The following TMTC1 variants were observed in gnomAD, a reference collection of about 807,000 sequenced individuals.
The protein encoded by TMTC1 is transmembrane O-mannosyltransferase targeting cadherins 1, also known as protein O-mannosyl-transferase TMTC1.
In TMTC1, 73 loss-of-function variants were observed where a neutral mutation model predicts 104.8. That is an observed-to-expected ratio of 0.70 (90% CI 0.58 to 0.85). TMTC1 has a LOEUF of 0.85. Among genes scored for constraint, TMTC1 ranks in the 40% least tolerant of loss-of-function variants. The pLI is 0.00. For synonymous variants in TMTC1, 434 were observed against 428.7 expected, an observed-to-expected ratio of 1.01 and a Z score of -0.15; for missense variants, 1,035 against 1,096.1, an observed-to-expected ratio of 0.94 and a Z score of 0.79.
rs552226316 is a variant in TMTC1, at chr12:29,767,836, G to A, written c.480+62C>T. On this transcript the variant is annotated intron_variant, in intron 2 of 17. Coordinates refer to ENST00000539277, the MANE Select transcript of TMTC1 (RefSeq NM_001193451.2). ...TGTATATATATGTGTGTGTATACAC[G>A]TATACACGTATACATACACACATTC... is the stretch of plus-strand genomic sequence containing the variant. The A allele has an allele frequency of 7.8e-5, 114 of 1,459,464 alleles. 1 individual carries two copies. In the South Asian group the frequency reaches 9.9e-4, roughly 13 times the overall value. The allele number at this position is 1,459,464 out of a possible 1,614,324, so 90.4% of individuals were successfully genotyped here. A position where few individuals can be genotyped will look rare whatever the true frequency, so the allele number is the denominator to read the frequency against.
intron 5 of TMTC1, among the ~76,000 whole-genome samples, chr12:29,643,499 T>TAA (rs1938979184): frequency 4.3e-5 from 3 of 69,026 alleles, no homozygotes; most frequent in Non-Finnish European, 8.1e-5. Flanking sequence ...ATATTATATA[T>TAA]TATATATTTT....
intron 15 of TMTC1, among the ~76,000 whole-genome samples, chr12:29,515,024 T>C (rs299436): frequency 0.29 from 44,439 of 151,910 alleles, 6,990 homozygotes; most frequent in African/African-American, 0.39. Context: ...CAAATATATA[T>C]ACATTCTTCA....
intron 3 of TMTC1, among the ~76,000 whole-genome samples, chr12:29,756,087 TAACA>T (rs1029278841): frequency 7.9e-5 from 12 of 152,328 alleles, no homozygotes; most frequent in Admixed American, 3.3e-4. Flanking sequence ...CTACGGTATG[TAACA>T]AACAAATGAA....
intron 5 of TMTC1, among the ~76,000 whole-genome samples, chr12:29,750,577 A>C (rs1429253819): frequency 6.6e-6 from 1 of 152,254 alleles, no homozygotes; most frequent in Non-Finnish European, 1.5e-5. Flanking sequence ...CAAGATAAAA[A>C]AACAAACATA....
intron 8 of TMTC1, among the ~76,000 whole-genome samples, chr12:29,572,826 C>G (rs971576358): frequency 6.6e-6 from 1 of 152,094 alleles, no homozygotes; most frequent in Non-Finnish European, 1.5e-5. Context: ...TTCATGGAGA[C>G]TTGATGAAAT....
intron 17 of TMTC1, among the ~76,000 whole-genome samples, chr12:29,510,365 G>T (rs931511441): frequency 6.6e-6 from 1 of 152,142 alleles, no homozygotes; most frequent in Admixed American, 6.5e-5. Flanking sequence ...GGACCAAAAT[G>T]ATGTCATGTG....
intron 5 of TMTC1, among the ~76,000 whole-genome samples, chr12:29,695,357 A>T (rs1941385429): frequency 6.6e-6 from 1 of 151,924 alleles, no homozygotes; most frequent in Non-Finnish European, 1.5e-5. Flanking sequence ...GACAGGCTGG[A>T]GTGTGGTGGT....
At chr12:29,660,960 G>A (rs564449852) in intron 5 of TMTC1, 73 of 803,924 alleles carry the variant, frequency 9.1e-5, no homozygotes, top group East Asian at 4.7e-4. Flanking sequence ...AGGTGAAGAC[G>A]CTGCAGCTCT....
intron 5 of TMTC1, among the ~76,000 whole-genome samples, chr12:29,670,934 C>CAAAAAAAAAAAAAAAAAAAAAA (rs374719241): frequency 1.5e-5 from 1 of 68,552 alleles, no homozygotes; most frequent in African/African-American, 6.1e-5. Flanking sequence ...GACTCTGTCT[C>CAAAAAAAAAAAAAAAAAAAAAA]AAAAAAAAAG....
At position 29,762,478 on chromosome 12, in the gene TMTC1, C is replaced by T. The variant is rs367962228; in HGVS notation, c.481-3701G>A. Among the ~76,000 whole-genome samples the T allele has an allele frequency of 1.2e-4, 19 of 152,282 alleles. No individual in the cohort carries two copies. In the East Asian group the frequency reaches 2.1e-3, roughly 17 times the overall value. On this transcript the variant is annotated intron_variant, in intron 2 of 17. Transcript: ENST00000539277. ...TCATCTTTTTACTTTAAGGTTTACA[C>T]GTACGGTATCTTAATTGTGAACTTT...
chr12:29,747,433 A>G (rs957880397), intron 5 of TMTC1, among the ~76,000 whole-genome samples: 1 of 152,210 alleles, frequency 6.6e-6, no homozygotes, highest in Non-Finnish European at 1.5e-5. Flanking sequence ...AAATAGGCAA[A>G]CTAAATAAAT....
chr12:29,565,683 C>T (rs1945492532), intron 9 of TMTC1, among the ~76,000 whole-genome samples: 1 of 152,120 alleles, frequency 6.6e-6, no homozygotes, highest in African/African-American at 2.4e-5. Flanking sequence ...CCCGCCTCTA[C>T]TAAAAATTCC....
intron 1 of TMTC1, among the ~76,000 whole-genome samples, chr12:29,776,920 A>T (rs781260204): frequency 6.6e-6 from 1 of 152,218 alleles, no homozygotes; most frequent in Non-Finnish European, 1.5e-5. Flanking sequence ...TGTGCAAAGA[A>T]CAAGGGCTCT....
Position 29,516,477 on chromosome 12 carries a change from A to G in TMTC1, c.2179T>C (p.Leu727=). The change falls in exon 15 of 18, where the codon TTG becomes CTG. Residue 727 remains leucine (L), a synonymous_variant. Coordinates refer to ENST00000539277, the MANE Select transcript of TMTC1 (RefSeq NM_001193451.2). ...RELRLALAQV[L]AVMGQTKEAE... ...TCTTTTGTCTGACCCATCACGGCCAAAACCTGAGCCTACAAAACCACATGG... is the reference window on the plus strand; with the variant it reads ...TCTTTTGTCTGACCCATCACGGCCAGAACCTGAGCCTACAAAACCACATGG... 1 of 1,613,590 alleles carries G rather than the reference A, an allele frequency of 6.2e-7. No individual in the cohort carries two copies. Among genetic ancestry groups the G allele is most frequent in the Non-Finnish European group, 8.5e-7 (1 of 1,179,704 alleles).
intron 10 of TMTC1, among the ~76,000 whole-genome samples, chr12:29,539,353 C>A (rs1013357546): frequency 6.6e-6 from 1 of 151,324 alleles, no homozygotes; most frequent in African/African-American, 2.4e-5. Flanking sequence ...CAGTCTTACT[C>A]AGCACTTACT....
intron 10 of TMTC1, among the ~76,000 whole-genome samples, chr12:29,554,233 A>G (rs1945179049): frequency 1.3e-5 from 2 of 152,226 alleles, no homozygotes; most frequent in African/African-American, 4.8e-5. Flanking sequence ...GCTATCTACA[A>G]TAAGTAGATC....
chr12:29,644,149 GTATATATA>G lies in TMTC1; in HGVS notation c.939-10821_939-10814del, dbSNP rs149004557. ...TGTGTGTGTGTGTGTGTGTGTGTGT[GTATATATA>G]TATATAATGAAATACTAAACAGCCA... is the stretch of plus-strand genomic sequence containing the variant. On this transcript the variant is annotated intron_variant, in intron 5 of 17. Coordinates refer to ENST00000539277, the MANE Select transcript of TMTC1 (RefSeq NM_001193451.2). 2.0e-3 allele frequency among the ~76,000 whole-genome samples: 101 copies of G among 49,374 alleles called. 24 individuals are homozygous for G. Among genetic ancestry groups the G allele is most frequent in the Middle Eastern group, 9.6e-3 (1 of 104 alleles). 32.4% of individuals were successfully genotyped at this position (49,374 alleles called of 152,430 possible).
intron 5 of TMTC1, among the ~76,000 whole-genome samples, chr12:29,688,133 C>T (rs10843487): frequency 1.3e-5 from 2 of 151,966 alleles, no homozygotes; most frequent in East Asian, 1.9e-4. Context: ...CTGGGTTTCA[C>T]GTGCTGATTT....
chr12:29,588,982 T>TCTTGGGACCCCAATTGACTATGCC (rs1393442753), intron 7 of TMTC1, among the ~76,000 whole-genome samples: 4 of 152,164 alleles, frequency 2.6e-5, no homozygotes, highest in African/African-American at 7.2e-5. Context: ...GAAAAAAAAT[T>TCTTGGGACCCCAATTGACTATGCC]AAGTTGAAAG....
Sources: gnomAD v4.1 joint callset for allele counts (sites outside exome capture counted in the v4.1 genomes callset) on GRCh38, gnomAD v4.1.1 for gene constraint, MANE v1.5 for transcripts, NCBI Gene and HGNC (gene_info 2026-07-23, HGNC 2026-07-21) for gene names.